The following GSG1L variants were observed in gnomAD, a reference collection of about 807,000 sequenced individuals.
GSG1L encodes the protein GSG1 like, also known as germ cell-specific gene 1-like protein.
Under a neutral mutation model 42.1 loss-of-function variants are expected in GSG1L, and 24 were observed. The ratio of observed to expected loss-of-function variants is 0.57; its 90% CI spans 0.41 to 0.80. The LOEUF is 0.80. Ranked by LOEUF, GSG1L falls within the 30% of genes least tolerant of loss-of-function variation. The pLI, the probability that GSG1L is intolerant of heterozygous loss-of-function variation, is 0.00. For synonymous variants in GSG1L, 215 were observed against 203.5 expected (o/e 1.06, Z -0.48); for missense variants, 445 against 472.2 (o/e 0.94, Z 0.53).
intron 2 of GSG1L, among the ~76,000 whole-genome samples, chr16:27,928,642 G>T (rs1450985396): frequency 6.6e-6 from 1 of 152,224 alleles, no homozygotes; most frequent in Non-Finnish European, 1.5e-5. Context: ...GCTGACATTT[G>T]GTGGGTGGTG....
intron 2 of GSG1L, among the ~76,000 whole-genome samples, chr16:27,945,518 C>A (rs1567529232): frequency 1.3e-5 from 2 of 152,308 alleles, no homozygotes; most frequent in Non-Finnish European, 2.9e-5. Flanking sequence ...ATCGGAAGCC[C>A]AGGAGGCCAG....
At chr16:27,892,708 T>C (rs1049273604) in intron 2 of GSG1L, among the ~76,000 whole-genome samples, 22 of 150,734 alleles carry the variant, frequency 1.5e-4, no homozygotes, top group African/African-American at 5.4e-4. Context: ...GAGAATTCCT[T>C]GAACCCGGGA....
rs1335378124 is a variant in GSG1L at position 27,923,745 on chromosome 16, AAAGGAAG to A, written c.398-39114_398-39108del. ...CAGGACTCTGTCAAGAAAAAAAAAA[AAAGGAAG>A]AAAGAAAGAAAGAAAGAAAGAGAGA... On this transcript the variant is annotated intron_variant, in intron 2 of 6. Transcript: ENST00000447459. 6.5e-4 allele frequency among the ~76,000 whole-genome samples: 85 copies of A among 130,804 alleles called. 2 individuals are homozygous for A. In the South Asian group the frequency reaches 0.011, roughly 17 times the overall value. The allele number at this position is 130,804 out of a possible 152,430, so 85.8% of individuals were successfully genotyped here.
chr16:27,963,056 T>C, intron 2 of GSG1L, 100 bp downstream of exon 2: 1 of 1,003,950 alleles, frequency 1.0e-6, no homozygotes. Context: ...CCAGGGATGC[T>C]GAAGAAGATG....
chr16:27,901,331 G>T (rs1213583247), intron 2 of GSG1L, among the ~76,000 whole-genome samples: 2 of 152,150 alleles, frequency 1.3e-5, no homozygotes, highest in Non-Finnish European at 2.9e-5. Context: ...AGCCCCAGGT[G>T]CATCTAGCCC....
chr16:27,998,999 G>A (rs2085550836), intron 1 of GSG1L, among the ~76,000 whole-genome samples: 1 of 152,042 alleles, frequency 6.6e-6, no homozygotes, highest in Non-Finnish European at 1.5e-5. Context: ...CCCTCTATAT[G>A]ACACGTGTCA....
At chr16:28,017,030 T>C (rs2085788838) in intron 1 of GSG1L, among the ~76,000 whole-genome samples, 1 of 152,244 alleles carries the variant, frequency 6.6e-6, no homozygotes, top group Admixed American at 6.5e-5. Flanking sequence ...GATGCTGACC[T>C]TCAGGAAAAG....
intron 2 of GSG1L, among the ~76,000 whole-genome samples, chr16:27,946,290 A>T (rs1433674087): frequency 6.6e-6 from 1 of 152,058 alleles, no homozygotes; most frequent in Non-Finnish European, 1.5e-5. Context: ...CATGCCTGTA[A>T]TCCCAGCACT....
intron 3 of GSG1L, among the ~76,000 whole-genome samples, chr16:27,867,170 G>T (rs1438395252): frequency 6.6e-6 from 1 of 152,158 alleles, no homozygotes; most frequent in Non-Finnish European, 1.5e-5. Context: ...TAAGACTCAT[G>T]CTCTAGGAGG....
intron 1 of GSG1L, among the ~76,000 whole-genome samples, chr16:28,004,453 G>C (rs2085614946): frequency 6.8e-6 from 1 of 147,912 alleles, no homozygotes; most frequent in Non-Finnish European, 1.5e-5. Flanking sequence ...CAGTGGGAGA[G>C]AGAAGGGGAG....
At chr16:28,043,233 G>A (rs1057165409) in intron 1 of GSG1L, among the ~76,000 whole-genome samples, 2 of 152,158 alleles carry the variant, frequency 1.3e-5, no homozygotes, top group South Asian at 2.1e-4. Context: ...TTTAGAAGAC[G>A]AAACAGAAGC....
chr16:27,855,719 C>CAAA (rs397686463), intron 3 of GSG1L, among the ~76,000 whole-genome samples: 20 of 61,644 alleles, frequency 3.2e-4, no homozygotes, highest in Admixed American at 5.2e-4. Flanking sequence ...GACTCAGTCT[C>CAAA]AAAAAAAAAA....
chr16:27,819,359 G>A (rs912152431), intron 5 of GSG1L, among the ~76,000 whole-genome samples: 1 of 152,016 alleles, frequency 6.6e-6, no homozygotes, highest in Non-Finnish European at 1.5e-5. Flanking sequence ...ATAATCACTG[G>A]CATGGTGGTG....
At chr16:27,888,482 CCTTTCTTTCTTT>C (rs57811717) in intron 2 of GSG1L, among the ~76,000 whole-genome samples, 714 of 68,286 alleles carry the variant, frequency 0.01, 6 homozygotes, top group East Asian at 0.015. Context: ...CTCTCTCTTT[CCTTTCTTTCTTT>C]CTTTCTTTCT....
chr16:27,800,527 C>T (rs989195437), intron 6 of GSG1L, among the ~76,000 whole-genome samples: 4 of 152,182 alleles, frequency 2.6e-5, no homozygotes, highest in African/African-American at 9.7e-5. Flanking sequence ...CATATGGCAA[C>T]ATCGCCTCCA....
intron 2 of GSG1L, among the ~76,000 whole-genome samples, chr16:27,932,241 T>C (rs1974803): frequency 0.7 from 106,311 of 151,820 alleles, 37,259 homozygotes; most frequent in Admixed American, 0.76. Flanking sequence ...TTAGTAGAGA[T>C]GGGGTTTCAC....
chr16:27,831,092 T>C (rs2083270597), intron 4 of GSG1L, among the ~76,000 whole-genome samples: 1 of 152,200 alleles, frequency 6.6e-6, no homozygotes, highest in South Asian at 2.1e-4. Context: ...CCAAGTCAGG[T>C]TCATGAGACT....
At chr16:27,866,771 C>T (rs887051324) in intron 3 of GSG1L, among the ~76,000 whole-genome samples, 4 of 152,056 alleles carry the variant, frequency 2.6e-5, no homozygotes, top group African/African-American at 7.3e-5. Context: ...AGGGTTTCAC[C>T]GCGTTGGCCA....
intron 2 of GSG1L, among the ~76,000 whole-genome samples, chr16:27,901,057 G>A (rs1398726508): frequency 6.6e-6 from 1 of 152,214 alleles, no homozygotes; most frequent in African/African-American, 2.4e-5. Flanking sequence ...AAACCCGGGA[G>A]GTGGAGATTG....
Sources: gnomAD v4.1 joint callset for allele counts (sites outside exome capture counted in the v4.1 genomes callset) on GRCh38, gnomAD v4.1.1 for gene constraint, MANE v1.5 for transcripts, NCBI Gene and HGNC (gene_info 2026-07-23, HGNC 2026-07-21) for gene names.